The following PRKDC variants were observed in gnomAD, a reference collection of about 807,000 sequenced individuals.
The protein encoded by PRKDC is protein kinase, DNA-activated, catalytic subunit.
PRKDC carries 82 observed loss-of-function variants against 486.9 expected under a neutral mutation model. That is an observed-to-expected ratio of 0.17 (90% CI 0.14 to 0.20). PRKDC has a LOEUF of 0.20. Ranked by LOEUF, PRKDC falls within the 10% of genes least tolerant of loss-of-function variation. The pLI is 1.00. For synonymous variants in PRKDC, 1,895 were observed against 1,837.0 expected (o/e 1.03, Z -0.81); for missense variants, 4,504 against 5,038.2 (o/e 0.89, Z 3.21).
Position 47,930,755 on chromosome 8 carries a change from G to A in PRKDC, c.1809C>T (p.Ile603=), listed in dbSNP as rs182027303. Residue 603 remains isoleucine (I), a synonymous_variant, in exon 17 of 86, where the codon ATC becomes ATT. Coordinates refer to ENST00000314191, the MANE Select transcript of PRKDC (RefSeq NM_006904.7). ...NGDEAPGVWM[I]PTSDPAANLH... The stretch of plus-strand genomic sequence containing the variant: ...AGTTAGCCGCTGGATCTGAAGTTGG[G>A]ATCATCCAAACACCAGGCGCCTCAT... 112 of 1,588,652 alleles carry A rather than the reference G, an allele frequency of 7.1e-5. No individual in the cohort carries two copies. Among genetic ancestry groups the A allele is most frequent in the Middle Eastern group, 6.6e-4 (4 of 6,036 alleles).
At chr8:47,835,353 T>C (rs1268779118) in intron 58 of PRKDC, among the ~76,000 whole-genome samples, 5 of 152,154 alleles carry the variant, frequency 3.3e-5, no homozygotes, top group African/African-American at 1.2e-4. Context: ...AATAATCCAT[T>C]TCTTTTTTAG....
At chr8:47,868,683 T>C (rs1426123834) in intron 40 of PRKDC, among the ~76,000 whole-genome samples, 2 of 152,124 alleles carry the variant, frequency 1.3e-5, no homozygotes, top group East Asian at 3.9e-4. Context: ...CAACTATCTG[T>C]ATAAAAAAGC....
Position 47,800,825 on chromosome 8 carries a change from G to A in PRKDC, c.10084C>T (p.Leu3362Phe). ...GAATCCTCTGAACTGGATCCAGAAA[G>A]CTCTAAGATTCTTCTAGCCTTGTCC... Reference protein sequence around the residue: ...EEDKARRILELSGSSSEDSEK... With the variant: ...EEDKARRILEFSGSSSEDSEK... Residue 3362 changes from leucine (L) to phenylalanine (F), a missense_variant, in exon 71 of 86, where the codon CTT (leucine) becomes TTT (phenylalanine). Physicochemically the swap from Leu to Phe is conservative, Grantham distance 22. Coordinates refer to ENST00000314191, the MANE Select transcript of PRKDC (RefSeq NM_006904.7). 1 of 1,612,150 alleles carries A rather than the reference G, an allele frequency of 6.2e-7. No individual in the cohort carries two copies. The highest frequency in any genetic ancestry group is 8.5e-7 in the Non-Finnish European group (1 of 1,179,102).
At chr8:47,794,166 G>T (rs1209880886) in intron 74 of PRKDC, 124 bp downstream of exon 74, 1 of 800,540 alleles carries the variant, frequency 1.2e-6, no homozygotes, top group Non-Finnish European at 2.0e-6. Flanking sequence ...CGACGGCTAA[G>T]ATTATTCTTC....
chr8:47,779,208 T>A (rs2086659032), intron 80 of PRKDC, 115 bp from the exon 81 acceptor site: 1 of 721,450 alleles, frequency 1.4e-6, no homozygotes, highest in Non-Finnish European at 2.3e-6. Flanking sequence ...GAAAAAATAA[T>A]AAGACTTTTA....
At chr8:47,844,092 C>A (rs1004668529) in intron 54 of PRKDC, among the ~76,000 whole-genome samples, 2 of 152,236 alleles carry the variant, frequency 1.3e-5, no homozygotes, top group African/African-American at 4.8e-5. Flanking sequence ...TTAAAAGCCA[C>A]GCAGTGGCAA....
intron 40 of PRKDC, among the ~76,000 whole-genome samples, chr8:47,871,999 G>C (rs190506308): frequency 1.3e-5 from 2 of 152,194 alleles, no homozygotes; most frequent in African/African-American, 4.8e-5. Context: ...TTGTAACACT[G>C]TAATTGTGGT....
chr8:47,863,401 A>C lies in PRKDC; in HGVS notation c.5748T>G (p.Ile1916Met). Reference sequence around the variant, plus strand: ...TCCAAAATTAAGTAAAATCTTACTTAATCAATGTCTTTGTAAGTTCATTTC... The same window carrying C: ...TCCAAAATTAAGTAAAATCTTACTTCATCAATGTCTTTGTAAGTTCATTTC... ...TEGNELTKTLIKLCYDAFTEN... is the reference protein window; with the variant it reads ...TEGNELTKTLMKLCYDAFTEN... Residue 1916 changes from isoleucine to methionine, a missense_variant and splice_region_variant, in exon 42 of 86, where the codon ATT becomes ATG. By Grantham distance (10) the Ile-to-Met change is conservative. Transcript: ENST00000314191. 2.5e-6 allele frequency: 4 copies of C among 1,594,944 alleles called. No individual in the cohort carries two copies. Among genetic ancestry groups the C allele is most frequent in the Non-Finnish European group, 3.4e-6 (4 of 1,170,840 alleles).
At chr8:47,940,869 C>A (rs1394853399) in intron 10 of PRKDC, among the ~76,000 whole-genome samples, 1 of 152,166 alleles carries the variant, frequency 6.6e-6, no homozygotes, top group African/African-American at 2.4e-5. Flanking sequence ...GTTGGCCGGG[C>A]GCAGTAGCTC....
chr8:47,945,119 G>C (rs1232038318), intron 7 of PRKDC, among the ~76,000 whole-genome samples: 1 of 152,216 alleles, frequency 6.6e-6, no homozygotes, highest in East Asian at 1.9e-4. Flanking sequence ...ACAGTACACA[G>C]TGGGTTTAGG....
Position 47,777,671 on chromosome 8 carries a change from T to C in PRKDC, c.12042+15A>G, listed in dbSNP as rs1472878932. 1 of 1,564,850 alleles carries C rather than the reference T, an allele frequency of 6.4e-7. No homozygotes were observed. ...CTGTCACAAAAGTGAAAAGTGCACA[T>C]GAAACAAAACCTACTTTCCAATCAA... On this transcript the variant is annotated intron_variant, in intron 84 of 85. Coordinates refer to ENST00000314191, the MANE Select transcript of PRKDC (RefSeq NM_006904.7).
intron 30 of PRKDC, among the ~76,000 whole-genome samples, chr8:47,894,547 GC>G (rs1283863788): frequency 6.6e-6 from 1 of 152,172 alleles, no homozygotes; most frequent in Non-Finnish European, 1.5e-5. Context: ...TGGGGAGCCT[GC>G]CCAGCCCTAC....
chr8:47,812,253 G>C (rs2087345379), intron 68 of PRKDC, among the ~76,000 whole-genome samples: 2 of 152,162 alleles, frequency 1.3e-5, no homozygotes. Context: ...AGACATGGAA[G>C]ATCTGAAAAG....
rs1441405837 is a variant in PRKDC, at chr8:47,928,972, G to A, written c.2139+120C>T. 5.0e-6 allele frequency: 4 copies of A among 806,534 alleles called. No individual in the cohort carries two copies. The African/African-American group carries it at 7.0e-5, about 14-fold the overall frequency. The allele number at this position is 806,534 out of a possible 1,614,324, so 50.0% of individuals were successfully genotyped here. A position where few individuals can be genotyped will look rare whatever the true frequency, so the allele number is the denominator to read the frequency against. On this transcript the variant is annotated intron_variant, in intron 19 of 85. Coordinates refer to ENST00000314191, the MANE Select transcript of PRKDC (RefSeq NM_006904.7). ...CCCAAAGTGCTGGGATTAAGGGCAT[G>A]AGCCACCGCACCCAGCCCCAATTCT...
intron 27 of PRKDC, among the ~76,000 whole-genome samples, chr8:47,900,993 A>T (rs543156690): frequency 5.0e-4 from 74 of 146,974 alleles, no homozygotes; most frequent in African/African-American, 1.2e-3. Flanking sequence ...ACAAAAAATT[A>T]AAAAAAAAAA....
intron 58 of PRKDC, among the ~76,000 whole-genome samples, chr8:47,835,429 C>T (rs1402917722): frequency 6.6e-6 from 1 of 151,644 alleles, no homozygotes; most frequent in African/African-American, 2.4e-5. Context: ...ACCATCTGGC[C>T]AATGTGGTGA....
intron 73 of PRKDC, among the ~76,000 whole-genome samples, chr8:47,796,448 C>G (rs1005534804): frequency 3.9e-5 from 6 of 152,172 alleles, no homozygotes; most frequent in Admixed American, 1.3e-4. Flanking sequence ...GCTGTATGTT[C>G]CATGTTTATT....
chr8:47,851,924 T>C (rs1312000529), intron 52 of PRKDC, among the ~76,000 whole-genome samples: 4 of 152,088 alleles, frequency 2.6e-5, no homozygotes, highest in Admixed American at 2.0e-4. Flanking sequence ...CCACCCTGCT[T>C]GGGCAACATG....
intron 25 of PRKDC, among the ~76,000 whole-genome samples, chr8:47,910,615 TTG>T (rs1208508827): frequency 6.6e-6 from 1 of 152,210 alleles, no homozygotes; most frequent in Non-Finnish European, 1.5e-5. Flanking sequence ...AAAATGTGTC[TTG>T]CTTATTAGGC....
Sources: allele counts gnomAD v4.1 joint callset (sites outside exome capture counted in the v4.1 genomes callset), GRCh38; gene constraint gnomAD v4.1.1; transcripts MANE v1.5; gene names NCBI Gene and HGNC (gene_info 2026-07-23, HGNC 2026-07-21).